SCIN: variants seen among roughly 807,000 people sequenced by gnomAD.
SCIN encodes the protein scinderin.
A neutral mutation model predicts 91.8 loss-of-function variants in SCIN; 91 were observed. The observed-to-expected ratio is 0.99, with a 90% CI of 0.84 to 1.18. The LOEUF (loss-of-function observed/expected upper bound fraction) is 1.18, where lower values mean the gene tolerates loss of function less well. Ranked by LOEUF, SCIN falls within the 50% of genes most tolerant of loss-of-function variation. SCIN has a pLI of 0.00. For missense variants in SCIN, 1,087 were observed against 863.9 expected (o/e 1.26, Z -3.24); for synonymous variants, 367 against 312.6 (o/e 1.17, Z -1.84).
At chr7:12,642,872 G>A (rs910126616) in intron 11 of SCIN, among the ~76,000 whole-genome samples, 7 of 151,788 alleles carry the variant, frequency 4.6e-5, no homozygotes, top group African/African-American at 1.2e-4. Context: ...TCCAAGTCTC[G>A]GCCTTGGCCC....
chr7:12,623,678 T>C (rs1365315933), intron 5 of SCIN, among the ~76,000 whole-genome samples: 1 of 152,164 alleles, frequency 6.6e-6, no homozygotes, highest in Non-Finnish European at 1.5e-5. Context: ...ATGCAGAATT[T>C]AGTAGTTTTC....
At chr7:12,628,098 G>C (rs1783568122) in intron 8 of SCIN, among the ~76,000 whole-genome samples, 1 of 151,542 alleles carries the variant, frequency 6.6e-6, no homozygotes, top group South Asian at 2.1e-4. Flanking sequence ...GTGCCTGGCA[G>C]CCTCTCCTTC....
At chr7:12,602,210 G>A (rs532247579) in intron 3 of SCIN, among the ~76,000 whole-genome samples, 6 of 152,306 alleles carry the variant, frequency 3.9e-5, no homozygotes, top group Non-Finnish European at 7.4e-5. Flanking sequence ...ATGCCCACCT[G>A]AGCCTTAAAG....
chr7:12,615,821 T>C (rs976830289), intron 4 of SCIN, among the ~76,000 whole-genome samples: 3 of 152,280 alleles, frequency 2.0e-5, no homozygotes, highest in African/African-American at 7.2e-5. Context: ...TAAAATTTCA[T>C]GCTTGGAAAT....
rs146048291 is a variant in SCIN, at chr7:12,622,304, G to A, written c.667-497G>A. 5.3e-5 allele frequency among the ~76,000 whole-genome samples: 8 copies of A among 152,160 alleles called. No homozygotes were observed. In the East Asian group the frequency reaches 1.4e-3, roughly 26 times the overall value. On this transcript the variant is annotated intron_variant, in intron 4 of 15. Transcript: ENST00000297029. ...AAGTGCCAAGGATACAGCAGAAAAC[G>A]AAGCATGATTTGGGTGATCAAGAGC...
At chr7:12,593,517 A>T (rs933337061) in intron 3 of SCIN, among the ~76,000 whole-genome samples, 3 of 152,166 alleles carry the variant, frequency 2.0e-5, no homozygotes, top group African/African-American at 7.2e-5. Flanking sequence ...TATAATAATA[A>T]TTAAAAAATA....
chr7:12,592,928 C>G (rs972865404), intron 3 of SCIN, among the ~76,000 whole-genome samples: 2 of 152,148 alleles, frequency 1.3e-5, no homozygotes, highest in South Asian at 4.1e-4. Context: ...CAGTGGGGGC[C>G]GGGAGCCGGG....
chr7:12,601,452 G>C (rs991162203), intron 3 of SCIN, among the ~76,000 whole-genome samples: 1 of 152,160 alleles, frequency 6.6e-6, no homozygotes. Context: ...TGGCAGCCTA[G>C]GTCCATTTCC....
intron 1 of SCIN, among the ~76,000 whole-genome samples, chr7:12,577,002 G>A (rs976686472): frequency 4.6e-5 from 7 of 152,044 alleles, no homozygotes; most frequent in South Asian, 2.1e-4. Flanking sequence ...CTGACTGTCC[G>A]TACTGTATCC....
In SCIN at chr7:12,644,172, A is replaced by AAGTT; in HGVS notation, c.1616_1617insAGTT (p.Asp539GlufsTer12). 6.2e-7 allele frequency: 1 copy of AAGTT among 1,613,112 alleles called. No homozygotes were observed. The highest frequency in any genetic ancestry group is 8.5e-7 in the Non-Finnish European group (1 of 1,179,484). ...GATGCAAATTCACTGAATTCTAACG[A>AAGTT]TGTTTTTGTCCTGAAACTGCCACAA... On this transcript the variant is annotated frameshift_variant, in exon 12 of 16. Transcript: ENST00000297029. LOFTEE classifies it high-confidence loss of function.
chr7:12,571,552 C>A (rs372309215), intron 1 of SCIN: 5 of 466,300 alleles, frequency 1.1e-5, no homozygotes, highest in African/African-American at 1.0e-4. Flanking sequence ...CAGGATTCTA[C>A]CCGCACCATG....
At chr7:12,587,775 T>C (rs995539839) in intron 3 of SCIN, among the ~76,000 whole-genome samples, 5 of 152,178 alleles carry the variant, frequency 3.3e-5, no homozygotes, top group African/African-American at 1.2e-4. Flanking sequence ...TCTCAAAGAT[T>C]GATTGCTTTG....
intron 10 of SCIN, among the ~76,000 whole-genome samples, chr7:12,639,894 A>G (rs1019353201): frequency 1.3e-5 from 2 of 152,184 alleles, no homozygotes; most frequent in Non-Finnish European, 2.9e-5. Flanking sequence ...AAGCATTTGA[A>G]TGCACATCTC....
At chr7:12,575,229 G>A (rs1024430283) in intron 1 of SCIN, among the ~76,000 whole-genome samples, 21 of 151,446 alleles carry the variant, frequency 1.4e-4, no homozygotes, top group Non-Finnish European at 2.9e-4. Flanking sequence ...TTTATTTCTA[G>A]GAGAGTTTTC....
intron 9 of SCIN, among the ~76,000 whole-genome samples, chr7:12,635,651 A>G (rs1290775017): frequency 1.4e-5 from 2 of 148,074 alleles, no homozygotes; most frequent in East Asian, 2.0e-4. Flanking sequence ...AAGGCAAGAA[A>G]GACAAAATGC....
intron 4 of SCIN, among the ~76,000 whole-genome samples, chr7:12,605,668 C>T (rs181259402): frequency 6.6e-6 from 1 of 152,138 alleles, no homozygotes; most frequent in Admixed American, 6.5e-5. Flanking sequence ...TGTGGCATAA[C>T]ATCAGGACTC....
chr7:12,640,593 A>G (rs1783839578), intron 11 of SCIN, 76 bp downstream of exon 11: 1 of 1,293,400 alleles, frequency 7.7e-7, no homozygotes, highest in African/African-American at 1.5e-5. Context: ...CAAATATTAG[A>G]CTTTAAAAAC....
Position 12,653,978 on chromosome 7 carries a change from T to TA in SCIN, c.*1264dup, listed in dbSNP as rs1481947344. 5.9e-5 allele frequency: 9 copies of TA among 152,302 alleles called. No homozygotes were observed. Among genetic ancestry groups the TA allele is most frequent in the Non-Finnish European group, 1.0e-4 (7 of 68,016 alleles). 9.4% of individuals were successfully genotyped at this position (152,302 alleles called of 1,614,324 possible). ...ACCATTGTATATCAGTATATACTGA[T>TA]ACACTGAGTGGCAGTTGCATTATCT... On this transcript the variant is annotated 3_prime_UTR_variant, in exon 16 of 16. Coordinates refer to ENST00000297029, the MANE Select transcript of SCIN (RefSeq NM_001112706.3). This position sits in a 1 kb window ranked among gnomAD's most constrained non-coding sequence, Gnocchi z 4.1.
chr7:12,630,530 G>A (rs1191120486), intron 9 of SCIN, among the ~76,000 whole-genome samples: 1 of 152,090 alleles, frequency 6.6e-6, no homozygotes, highest in Non-Finnish European at 1.5e-5. Flanking sequence ...CCACCACATC[G>A]GTGTGAACCA....
Sources: gnomAD v4.1 joint callset for allele counts (sites outside exome capture counted in the v4.1 genomes callset) on GRCh38, gnomAD v4.1.1 for gene constraint, Gnocchi (gnomAD v3.1) non-coding constraint, MANE v1.5 for transcripts, NCBI Gene and HGNC (gene_info 2026-07-23, HGNC 2026-07-21) for gene names.